Variants in NTRK1 observed in about 807,000 individuals in gnomAD.
The protein encoded by NTRK1 is neurotrophic receptor tyrosine kinase 1.
In NTRK1, 62 loss-of-function variants were observed where a neutral mutation model predicts 86.8. The observed-to-expected ratio is 0.71, with a 90% CI of 0.58 to 0.88. NTRK1 has a LOEUF of 0.88. Among genes scored for constraint, NTRK1 ranks in the 40% least tolerant of loss-of-function variants. The pLI, the probability that NTRK1 is intolerant of heterozygous loss-of-function variation, is 0.00. For synonymous variants in NTRK1, 469 were observed against 456.6 expected, an observed-to-expected ratio of 1.03 and a Z score of -0.35; for missense variants, 967 against 1,078.4, an observed-to-expected ratio of 0.90 and a Z score of 1.45.
intron 2 of NTRK1, among the ~76,000 whole-genome samples, chr1:156,847,826 T>C (rs1655063810): frequency 6.6e-6 from 1 of 152,072 alleles, no homozygotes; most frequent in Non-Finnish European, 1.5e-5. Flanking sequence ...AGGGCAGTGA[T>C]GTTAGGGAAG....
At chr1:156,853,294 T>C (rs1558091113) in intron 2 of NTRK1, among the ~76,000 whole-genome samples, 1 of 152,204 alleles carries the variant, frequency 6.6e-6, no homozygotes, top group Non-Finnish European at 1.5e-5. Context: ...CAGGCCCTGC[T>C]CTGACACTTT....
chr1:156,881,321 C>T (rs564647860), intron 16 of NTRK1, 136 bp from the exon 17 acceptor site: 43 of 752,630 alleles, frequency 5.7e-5, no homozygotes, highest in Admixed American at 6.2e-5. Context: ...TGTGTCCATT[C>T]GGGTTATTAG....
At position 156,854,095 on chromosome 1, in the gene NTRK1, G is replaced by A; in HGVS notation, c.51-10259G>A. ...TCCCGCGGATGACTGCTAGGTTGGG[G>A]AAGAGGTCGCGCAGGCTCTCCAGTC... On this transcript the variant is annotated intron_variant, in intron 2 of 16. Coordinates refer to the NTRK1 transcript ENST00000392302. The surrounding 1 kb of genome is among the most constrained non-coding windows in gnomAD (Gnocchi z 4.2). 1.2e-6 allele frequency: 2 copies of A among 1,614,148 alleles called. No individual in the cohort carries two copies. The highest frequency in any genetic ancestry group is 1.1e-5 in the South Asian group (1 of 91,090).
chr1:156,825,196 G>A (rs532921966), intron 1 of NTRK1, among the ~76,000 whole-genome samples: 12 of 152,308 alleles, frequency 7.9e-5, no homozygotes, highest in Non-Finnish European at 1.8e-4. Context: ...GCCCAGTAGG[G>A]ACCTCTCTTA....
chr1:156,862,588 T>G (rs12729089), intron 1 of NTRK1, among the ~76,000 whole-genome samples: 1 of 152,124 alleles, frequency 6.6e-6, no homozygotes, highest in South Asian at 2.1e-4. Context: ...CAGCCTGACA[T>G]CCCCCTCCCC....
Position 156,876,487 on chromosome 1 carries a change from C to T in NTRK1, c.1720C>T (p.Arg574Cys), listed in dbSNP as rs368806213. 73 of 1,613,666 alleles carry T rather than the reference C, an allele frequency of 4.5e-5. No homozygotes were observed. Among genetic ancestry groups the T allele is most frequent in the East Asian group, 8.9e-5 (4 of 44,878 alleles). ...CATGCTGCAGCACCAGCACATCGTG[C>T]GCTTCTTCGGCGTCTGCACCGAGGG... is the stretch of plus-strand genomic sequence containing the variant. The part of the protein sequence containing the change: ...LTMLQHQHIV[R>C]FFGVCTEGRP... Residue 574 changes from arginine (R) to cysteine (C), a missense_variant, in exon 14 of 17, where the codon CGC becomes TGC. Coordinates refer to ENST00000524377, the MANE Select transcript of NTRK1 (RefSeq NM_002529.4).
At chr1:156,818,819 T>G (rs1246621950) in intron 1 of NTRK1, among the ~76,000 whole-genome samples, 1 of 152,250 alleles carries the variant, frequency 6.6e-6, no homozygotes, top group East Asian at 1.9e-4. Flanking sequence ...AATGACTTCT[T>G]TTCCTTTGAA....
In NTRK1 at chr1:156,881,533, G is replaced by A. The variant is rs201891311; in HGVS notation, c.2282G>A (p.Arg761Gln). 230 of 1,603,882 alleles carry A rather than the reference G, an allele frequency of 1.4e-4. 1 individual carries two copies. In the South Asian group the frequency reaches 1.9e-3, roughly 14 times the overall value. Reference sequence around the variant, plus strand: ...CCACCAGAGGTCTACGCCATCATGCGGGGCTGCTGGCAGCGGGAGCCCCAG... The same window carrying A: ...CCACCAGAGGTCTACGCCATCATGCAGGGCTGCTGGCAGCGGGAGCCCCAG... ...ACPPEVYAIMRGCWQREPQQR... is the reference protein window; with the variant it reads ...ACPPEVYAIMQGCWQREPQQR... The change falls in exon 17 of 17, where the codon CGG becomes CAG. Residue 761 changes from arginine to glutamine, a missense_variant. By Grantham distance (43) the Arg-to-Gln change is conservative. Transcript: ENST00000524377.
chr1:156,845,868 TC>T (rs879929233), intron 2 of NTRK1: 10 of 1,598,400 alleles, frequency 6.3e-6, no homozygotes, highest in Non-Finnish European at 8.5e-6. Context: ...CCGCCTCTGA[TC>T]CCCCCCACCT....
At position 156,845,015 on chromosome 1, in the gene NTRK1, C is replaced by G; in HGVS notation, c.50+2822C>G. 3.9e-6 allele frequency: 6 copies of G among 1,553,134 alleles called. No individual in the cohort carries two copies. In the South Asian group the frequency reaches 5.9e-5, roughly 15 times the overall value. On this transcript the variant is annotated intron_variant, in intron 2 of 16. Transcript: ENST00000392302. ...GTTAGCGAGAAGTCAAACCCCAAAC[C>G]TTTGCACAGGGTCCTTGGGGTCGGT...
chr1:156,854,192 TC>T lies in NTRK1; in HGVS notation c.51-10158del. 1 of 1,614,076 alleles carries T rather than the reference TC, an allele frequency of 6.2e-7. No homozygotes were observed. On this transcript the variant is annotated intron_variant, in intron 2 of 16. Coordinates refer to the NTRK1 transcript ENST00000392302. The surrounding 1 kb of genome is among the most constrained non-coding windows in gnomAD (Gnocchi z 4.2). Reference sequence around the variant, plus strand: ...AGGGAAGCTGAGGCCGCGGAAGTCCTCCCCGGTGGCTGTGAACATGAGCAGG... The same window carrying T: ...AGGGAAGCTGAGGCCGCGGAAGTCCTCCCGGTGGCTGTGAACATGAGCAGG...
intron 2 of NTRK1, 81 bp downstream of exon 2, chr1:156,864,509 C>A: frequency 1.4e-6 from 2 of 1,461,094 alleles, no homozygotes; most frequent in South Asian, 1.1e-5. Context: ...CTCAAGCATC[C>A]GAGGGCCTGG....
intron 1 of NTRK1, chr1:156,841,496 G>A (rs755019469): frequency 1.2e-6 from 2 of 1,614,008 alleles, no homozygotes; most frequent in Admixed American, 3.3e-5. Context: ...TTCTGCCAGG[G>A]TCACAATCTC....
At chr1:156,853,065 CCTCCTTT>C (rs1003104500) in intron 2 of NTRK1, among the ~76,000 whole-genome samples, 31 of 152,002 alleles carry the variant, frequency 2.0e-4, no homozygotes, top group Admixed American at 1.8e-3. Flanking sequence ...CCTTTTCTTT[CCTCCTTT>C]CTCCTTTCTC....
At chr1:156,841,122 C>G in intron 1 of NTRK1, 1 of 1,546,914 alleles carries the variant, frequency 6.5e-7, no homozygotes, top group Non-Finnish European at 8.8e-7. Context: ...GTGTGGGGAG[C>G]AGGGTCAGAG....
Position 156,854,144 on chromosome 1 carries a change from T to C in NTRK1, c.51-10210T>C. On this transcript the variant is annotated intron_variant, in intron 2 of 16. Coordinates refer to the NTRK1 transcript ENST00000392302. This position sits in a 1 kb window ranked among gnomAD's most constrained non-coding sequence, Gnocchi z 4.2. Reference sequence around the variant, plus strand: ...TCCGTAGACACGGAAGAGCAGCAGGTAGTCGGTGACCTGGGTGAGGCGAGG... The same window carrying C: ...TCCGTAGACACGGAAGAGCAGCAGGCAGTCGGTGACCTGGGTGAGGCGAGG... 6.2e-7 allele frequency: 1 copy of C among 1,614,112 alleles called. No homozygotes were observed.
chr1:156,850,307 G>T (rs1310339229), intron 2 of NTRK1, among the ~76,000 whole-genome samples: 1 of 152,048 alleles, frequency 6.6e-6, no homozygotes, highest in East Asian at 1.9e-4. Flanking sequence ...TGTCTCCCAG[G>T]TTCAAGTGAT....
chr1:156,845,532 C>T, intron 2 of NTRK1: 2 of 1,438,064 alleles, frequency 1.4e-6, no homozygotes, highest in Admixed American at 5.2e-5. Flanking sequence ...AGCAAGGCCC[C>T]ACCCACAAAC....
chr1:156,870,449 G>A (rs1157994203), intron 6 of NTRK1, among the ~76,000 whole-genome samples: 3 of 152,222 alleles, frequency 2.0e-5, no homozygotes, highest in African/African-American at 2.4e-5. Flanking sequence ...TCAGTTAGGA[G>A]GATAAGGGGT....
Sources: allele counts gnomAD v4.1 joint callset (sites outside exome capture counted in the v4.1 genomes callset), GRCh38; gene constraint gnomAD v4.1.1; non-coding constraint Gnocchi (gnomAD v3.1); transcripts MANE v1.5; gene names NCBI Gene and HGNC (gene_info 2026-07-23, HGNC 2026-07-21).